CCDC73: variants seen among roughly 807,000 people sequenced by gnomAD.
CCDC73 encodes the protein coiled-coil domain-containing protein 73.
CCDC73 carries 95 observed loss-of-function variants against 116.5 expected under a neutral mutation model. The observed-to-expected ratio is 0.82, with a 90% CI of 0.69 to 0.97. CCDC73 has a LOEUF of 0.97. CCDC73 is among the 50% of genes least tolerant of loss of function. The probability of loss-of-function intolerance (pLI) is 0.00; values close to 1 mark genes in which losing one functional copy is unlikely to be tolerated. For synonymous variants in CCDC73, 398 were observed against 401.3 expected (o/e 0.99, Z 0.10); for missense variants, 1,066 against 1,206.8 (o/e 0.88, Z 1.73).
intron 9 of CCDC73, among the ~76,000 whole-genome samples, chr11:32,656,635 T>C (rs1441064228): frequency 3.9e-5 from 6 of 152,214 alleles, no homozygotes; most frequent in South Asian, 2.1e-4. Context: ...TCAGCAATGA[T>C]GGTATAAGCT....
At chr11:32,625,106 G>A (rs1235068942) in intron 14 of CCDC73, among the ~76,000 whole-genome samples, 1 of 152,250 alleles carries the variant, frequency 6.6e-6, no homozygotes, top group African/African-American at 2.4e-5. Flanking sequence ...TGCAACCCCT[G>A]CCTTTTTTTG....
intron 2 of CCDC73, among the ~76,000 whole-genome samples, chr11:32,718,838 C>T (rs1015988861): frequency 2.4e-4 from 37 of 152,152 alleles, no homozygotes; most frequent in African/African-American, 7.2e-4. Context: ...AAGGCAACAA[C>T]AGTTCTTTCA....
chr11:32,689,605 C>T (rs1284845114), intron 6 of CCDC73, among the ~76,000 whole-genome samples: 1 of 151,606 alleles, frequency 6.6e-6, no homozygotes, highest in African/African-American at 2.4e-5. Context: ...TTTTTAAAAG[C>T]ACCAAATAGA....
intron 2 of CCDC73, among the ~76,000 whole-genome samples, chr11:32,733,184 A>G (rs11529257): frequency 0.27 from 41,179 of 152,136 alleles, 6,457 homozygotes; most frequent in East Asian, 0.79. Context: ...GCCATTATAT[A>G]ATGGCAAAGG....
At position 32,614,151 on chromosome 11, in the gene CCDC73, G is replaced by C. The variant is rs1234502306; in HGVS notation, c.2167C>G (p.Leu723Val). Residue 723 changes from leucine (L) to valine (V), a missense_variant, in exon 16 of 18, where the codon CTG becomes GTG. Transcript: ENST00000335185. ...TGGACATTTTTATCTGAGTTCTTCA[G>C]AAGTAGTTTTGAATTAGCACTAAAA... ...AAFSANSKLL[L>V]KNSDKNVHSM... is the part of the protein sequence containing the mutation. 4.3e-6 allele frequency: 7 copies of C among 1,613,704 alleles called. No individual in the cohort carries two copies. In the Admixed American group the frequency reaches 1.2e-4, roughly 27 times the overall value.
Position 32,695,398 on chromosome 11 carries a change from C to T in CCDC73, c.390+3853G>A, listed in dbSNP as rs1027407211. 1.2e-4 allele frequency among the ~76,000 whole-genome samples: 18 copies of T among 151,288 alleles called. 1 individual carries two copies. Among genetic ancestry groups the T allele is most frequent in the African/African-American group, 4.1e-4 (17 of 41,230 alleles). On this transcript the variant is annotated intron_variant, in intron 6 of 17. Transcript: ENST00000335185. ...AAAAAAAAAAAGAGCTTGCCTACAG[C>T]TGGTTTCCACACCTGAACTGTTGTG... is the stretch of plus-strand genomic sequence containing the variant.
intron 2 of CCDC73, chr11:32,758,545 T>C (rs1590633183): frequency 2.2e-6 from 1 of 451,838 alleles, no homozygotes; most frequent in East Asian, 5.7e-5. Context: ...TCAAACATGC[T>C]TTCTTCATCA....
the CCDC73 span, among the ~76,000 whole-genome samples, chr11:32,826,668 A>G: frequency 6.6e-6 from 1 of 151,606 alleles, no homozygotes; most frequent in African/African-American, 2.4e-5. Flanking sequence ...AACAAAAAAA[A>G]AAACCCAGAG....
At chr11:32,641,202 A>T (rs1355385644) in intron 13 of CCDC73, among the ~76,000 whole-genome samples, 1 of 152,176 alleles carries the variant, frequency 6.6e-6, no homozygotes, top group Non-Finnish European at 1.5e-5. Flanking sequence ...TCTAAAACAT[A>T]ATCATACCTT....
At chr11:32,608,968 G>T (rs1386565353) in intron 17 of CCDC73, among the ~76,000 whole-genome samples, 1 of 152,116 alleles carries the variant, frequency 6.6e-6, no homozygotes, top group East Asian at 1.9e-4. Context: ...TCCCTAAGCT[G>T]CACACAGCAC....
intron 14 of CCDC73, among the ~76,000 whole-genome samples, chr11:32,617,036 T>G (rs1855480569): frequency 6.6e-6 from 1 of 152,194 alleles, no homozygotes; most frequent in Non-Finnish European, 1.5e-5. Context: ...CATATAGCGA[T>G]ACTTAAGAGC....
chr11:32,662,978 G>A (rs1274257526), intron 9 of CCDC73, among the ~76,000 whole-genome samples: 16 of 152,120 alleles, frequency 1.1e-4, no homozygotes, highest in Non-Finnish European at 4.4e-5. Flanking sequence ...TGTCAGGTTT[G>A]TCAAAGATCA....
chr11:32,774,656 T>TA (rs1307069957), intron 1 of CCDC73, among the ~76,000 whole-genome samples: 3 of 151,840 alleles, frequency 2.0e-5, no homozygotes, highest in Non-Finnish European at 4.4e-5. Context: ...ACAGCAGAAT[T>TA]AAAAAAATAA....
chr11:32,664,031 C>T (rs1490430244), intron 9 of CCDC73, among the ~76,000 whole-genome samples: 3 of 152,108 alleles, frequency 2.0e-5, no homozygotes, highest in South Asian at 4.1e-4. Flanking sequence ...GGATGAAGCC[C>T]AGTTGATCAT....
chr11:32,667,155 C>A (rs976057670), intron 9 of CCDC73, among the ~76,000 whole-genome samples: 4 of 152,246 alleles, frequency 2.6e-5, no homozygotes, highest in African/African-American at 9.6e-5. Context: ...AGATCTCAAA[C>A]TCCGTGCTGG....
Position 32,614,953 on chromosome 11 carries a change from G to A in CCDC73, c.1376-11C>T, listed in dbSNP as rs1855461606. On this transcript the variant is annotated splice_polypyrimidine_tract_variant and intron_variant, in intron 15 of 17. Coordinates refer to ENST00000335185, the MANE Select transcript of CCDC73 (RefSeq NM_001008391.4). ...CAAAAAGCTGTAAATCTGTCATGATGGGAACACAGTAAAATTTTATATTAT... is the reference window on the plus strand; with the variant it reads ...CAAAAAGCTGTAAATCTGTCATGATAGGAACACAGTAAAATTTTATATTAT... 5 of 1,544,388 alleles carry A rather than the reference G, an allele frequency of 3.2e-6. No homozygotes were observed. Among genetic ancestry groups the A allele is most frequent in the Non-Finnish European group, 4.4e-6 (5 of 1,140,866 alleles).
intron 2 of CCDC73, among the ~76,000 whole-genome samples, chr11:32,726,472 G>C (rs1210575135): frequency 6.6e-6 from 1 of 152,002 alleles, no homozygotes; most frequent in African/African-American, 2.4e-5. Flanking sequence ...TTATTAAAGT[G>C]AAAGGACAGA....
chr11:32,621,016 T>G (rs1215140862), intron 14 of CCDC73, among the ~76,000 whole-genome samples: 1 of 151,996 alleles, frequency 6.6e-6, no homozygotes, highest in Non-Finnish European at 1.5e-5. Context: ...CTCAAGGAAA[T>G]AAGAGAGGAC....
intron 5 of CCDC73, among the ~76,000 whole-genome samples, chr11:32,700,356 C>G (rs1849801177): frequency 6.6e-6 from 1 of 152,222 alleles, no homozygotes; most frequent in African/African-American, 2.4e-5. Context: ...GCTTTATCCC[C>G]TTTGCCAGTT....
Sources: gnomAD v4.1 joint callset for allele counts (sites outside exome capture counted in the v4.1 genomes callset) on GRCh38, gnomAD v4.1.1 for gene constraint, MANE v1.5 for transcripts, NCBI Gene and HGNC (gene_info 2026-07-23, HGNC 2026-07-21) for gene names.